DMD: variants seen among roughly 807,000 people sequenced by gnomAD.
The protein encoded by DMD is mutant dystrophin.
A neutral mutation model predicts 330.1 loss-of-function variants in DMD; 63 were observed. The observed-to-expected ratio is 0.19, with a 90% CI of 0.16 to 0.24. The LOEUF is 0.24. DMD is among the 10% of genes least tolerant of loss of function. The pLI is 1.00. For synonymous variants in DMD, 1,223 were observed against 959.8 expected (o/e 1.27, Z -5.07); for missense variants, 3,344 against 2,684.1 (o/e 1.25, Z -5.43).
chrX:32,510,856 G>A (rs899513751), intron 18 of DMD, among the ~76,000 whole-genome samples: 30 of 111,091 alleles, frequency 2.7e-4, no homozygotes, highest in Non-Finnish European at 3.8e-5. Flanking sequence ...CCTGATACTG[G>A]TAATAAACCA....
intron 18 of DMD, among the ~76,000 whole-genome samples, chrX:32,513,101 G>A (rs1035972844): frequency 8.9e-6 from 1 of 111,969 alleles, no homozygotes; most frequent in African/African-American, 3.3e-5. Flanking sequence ...AAGTGGTCTT[G>A]CTTTTATCTT....
chrX:33,277,710 T>A (rs191473071), intron 1 of DMD, among the ~76,000 whole-genome samples: 15 of 111,603 alleles, frequency 1.3e-4, no homozygotes, highest in East Asian at 8.5e-4. Context: ...CACAAACACA[T>A]TCTGCTATAT....
chrX:32,236,955 C>A (rs1043067859), intron 43 of DMD, among the ~76,000 whole-genome samples: 9 of 111,382 alleles, frequency 8.1e-5, no homozygotes, highest in Non-Finnish European at 1.7e-4. Flanking sequence ...AAATATTTTT[C>A]TTAAATTATG....
chrX:32,725,342 G>A (rs1479472955), intron 7 of DMD, among the ~76,000 whole-genome samples: 2 of 110,496 alleles, frequency 1.8e-5, no homozygotes, highest in African/African-American at 6.6e-5. Flanking sequence ...GTATATATAT[G>A]TATATGCATG....
At chrX:31,465,563 C>A (rs1193709030) in intron 59 of DMD, among the ~76,000 whole-genome samples, 1 of 111,647 alleles carries the variant, frequency 9.0e-6, no homozygotes, top group Non-Finnish European at 1.9e-5. Context: ...GCATAGTATT[C>A]CATGGTGTAT....
At chrX:31,783,738 TTAATA>T (rs1331205305) in intron 50 of DMD, among the ~76,000 whole-genome samples, 1 of 111,356 alleles carries the variant, frequency 9.0e-6, no homozygotes, top group Non-Finnish European at 1.9e-5. Flanking sequence ...GTTATATAAA[TTAATA>T]TAACAGAGTT....
intron 19 of DMD, among the ~76,000 whole-genome samples, chrX:32,492,972 A>T (rs2043149816): frequency 9.0e-6 from 1 of 111,495 alleles, no homozygotes; most frequent in Non-Finnish European, 1.9e-5. Flanking sequence ...GCCTAAGATA[A>T]TCTACTTTTA....
At chrX:31,643,279 A>T (rs1392827569) in intron 54 of DMD, among the ~76,000 whole-genome samples, 2 of 112,089 alleles carry the variant, frequency 1.8e-5, no homozygotes, top group African/African-American at 3.2e-5. Flanking sequence ...TAAGTTTAAC[A>T]ATTATTGTTA....
intron 47 of DMD, among the ~76,000 whole-genome samples, chrX:31,893,619 T>C (rs1366223280): frequency 1.8e-5 from 2 of 110,666 alleles, no homozygotes; most frequent in Non-Finnish European, 3.8e-5. Flanking sequence ...CATTCCCGGG[T>C]CTCAGATGAG....
intron 11 of DMD, among the ~76,000 whole-genome samples, chrX:32,637,663 A>C (rs1035155091): frequency 1.8e-5 from 2 of 111,682 alleles, no homozygotes; most frequent in Admixed American, 1.9e-4. Context: ...CCTCAGAAAA[A>C]ATCATGATGG....
intron 59 of DMD, among the ~76,000 whole-genome samples, chrX:31,454,289 C>T (rs2065991412): frequency 9.0e-6 from 1 of 111,175 alleles, no homozygotes; most frequent in African/African-American, 3.3e-5. Flanking sequence ...CAGGCGCACA[C>T]CACCACCATG....
intron 4 of DMD, 62 bp downstream of exon 4, chrX:32,844,721 C>A (rs1457106740): frequency 1.0e-6 from 1 of 1,001,797 alleles, no homozygotes. Flanking sequence ...GGCCAAAGCC[C>A]TCACTCAAAC....
intron 1 of DMD, among the ~76,000 whole-genome samples, chrX:33,256,251 C>T (rs2052854983): frequency 9.0e-6 from 1 of 110,597 alleles, no homozygotes; most frequent in African/African-American, 3.3e-5. Flanking sequence ...GAACTAGTTT[C>T]AAATATTAGC....
intron 48 of DMD, among the ~76,000 whole-genome samples, chrX:31,845,056 G>GTATATGTGTATACATATA (rs2093391091): frequency 2.5e-5 from 2 of 79,432 alleles, no homozygotes; most frequent in African/African-American, 1.1e-4. Flanking sequence ...GTATATGTGT[G>GTATATGTGTATACATATA]TATATATATG....
At chrX:32,919,973 G>A (rs182419092) in intron 2 of DMD, among the ~76,000 whole-genome samples, 264 of 111,419 alleles carry the variant, frequency 2.4e-3, no homozygotes, top group South Asian at 0.016. Context: ...ATCAATAGCC[G>A]AAAGATTAAA....
At chrX:32,625,854 A>C (rs1000906143) in intron 11 of DMD, among the ~76,000 whole-genome samples, 1 of 111,827 alleles carries the variant, frequency 8.9e-6, no homozygotes, top group Non-Finnish European at 1.9e-5. Flanking sequence ...CTCAGGCCCA[A>C]TTCCCTAGAA....
chrX:33,319,788 A>G (rs1452422881), intron 1 of DMD, among the ~76,000 whole-genome samples: 2 of 112,050 alleles, frequency 1.8e-5, no homozygotes, highest in Non-Finnish European at 3.8e-5. Flanking sequence ...ATGTGTTCAT[A>G]ACAGTTTCTT....
intron 44 of DMD, among the ~76,000 whole-genome samples, chrX:31,978,542 C>T (rs981466978): frequency 8.9e-6 from 1 of 111,793 alleles, no homozygotes; most frequent in Non-Finnish European, 1.9e-5. Context: ...AAAATTTATA[C>T]TGAATACTCA....
At chrX:32,166,387 G>A (rs1203223147) in intron 44 of DMD, among the ~76,000 whole-genome samples, 1 of 110,867 alleles carries the variant, frequency 9.0e-6, no homozygotes, top group African/African-American at 3.3e-5. Context: ...AGCCCAGGGA[G>A]GTCAAGGCTG....
Sources: allele counts gnomAD v4.1 joint callset (sites outside exome capture counted in the v4.1 genomes callset), GRCh38; gene constraint gnomAD v4.1.1; transcripts MANE v1.5; gene names NCBI Gene and HGNC (gene_info 2026-07-23, HGNC 2026-07-21).